Variants in TTC7B observed in about 807,000 individuals in gnomAD.
TTC7B encodes the protein tetratricopeptide repeat protein 7B.
Under a neutral mutation model 106.8 loss-of-function variants are expected in TTC7B, and 28 were observed. The observed-to-expected ratio is 0.26, with a 90% CI of 0.19 to 0.36. TTC7B has a LOEUF of 0.36. Among genes scored for constraint, TTC7B ranks in the 10% least tolerant of loss-of-function variants. The pLI is 1.00. For synonymous variants in TTC7B, 405 were observed against 430.6 expected, an observed-to-expected ratio of 0.94 and a Z score of 0.74; for missense variants, 862 against 1,076.4, an observed-to-expected ratio of 0.80 and a Z score of 2.79.
chr14:90,745,297 C>CAAAAAAAA (rs71461925), intron 3 of TTC7B, among the ~76,000 whole-genome samples: 1 of 108,758 alleles, frequency 9.2e-6, no homozygotes, highest in Non-Finnish European at 2.0e-5. Context: ...CCCTGTCTCC[C>CAAAAAAAA]AAAAAAAAAA....
intron 2 of TTC7B, among the ~76,000 whole-genome samples, chr14:90,782,799 G>T (rs892067695): frequency 6.6e-6 from 1 of 152,182 alleles, no homozygotes; most frequent in Admixed American, 6.5e-5. Context: ...CATCACAAGA[G>T]GTTCGCTCTG....
chr14:90,784,580 G>A (rs1024317110), intron 2 of TTC7B, among the ~76,000 whole-genome samples: 10 of 151,928 alleles, frequency 6.6e-5, no homozygotes, highest in Admixed American at 5.2e-4. Flanking sequence ...CATATGAGAT[G>A]GATGAGATGG....
intron 8 of TTC7B, among the ~76,000 whole-genome samples, chr14:90,678,634 C>T (rs1433070100): frequency 6.6e-6 from 1 of 152,166 alleles, no homozygotes; most frequent in Non-Finnish European, 1.5e-5. Flanking sequence ...TCAACATCCC[C>T]TGAAGAGATT....
chr14:90,757,398 C>T lies in TTC7B; in HGVS notation c.446-12476G>A, dbSNP rs1238508497. ...GTTTGGGGCTGCAGGGAGCTATGAT[C>T]GCACTACTGCACTCCAGCCTGGGTG... On this transcript the variant is annotated intron_variant, in intron 3 of 19. Transcript: ENST00000328459. The surrounding 1 kb of genome is among the most constrained non-coding windows in gnomAD (Gnocchi z 4.1). 6.6e-6 allele frequency among the ~76,000 whole-genome samples: 1 copy of T among 152,024 alleles called. No individual in the cohort carries two copies. Among genetic ancestry groups the T allele is most frequent in the East Asian group, 1.9e-4 (1 of 5,194 alleles).
chr14:90,686,867 A>C (rs1459771968), intron 7 of TTC7B, among the ~76,000 whole-genome samples: 1 of 152,266 alleles, frequency 6.6e-6, no homozygotes, highest in Non-Finnish European at 1.5e-5. Flanking sequence ...GAAATTAAAG[A>C]CAACCTAAAT....
intron 15 of TTC7B, among the ~76,000 whole-genome samples, chr14:90,636,727 C>T (rs1276358582): frequency 1.3e-5 from 2 of 151,666 alleles, no homozygotes; most frequent in African/African-American, 2.4e-5. Flanking sequence ...AAGCTCATAA[C>T]AAAAGATAAG....
intron 2 of TTC7B, 82 bp from the exon 3 acceptor site, chr14:90,780,988 C>T (rs944592701): frequency 7.9e-6 from 10 of 1,258,288 alleles, no homozygotes; most frequent in East Asian, 2.3e-5. Context: ...CAGCTGCTGC[C>T]GTAAAACCCC....
chr14:90,604,702 T>C (rs1566793724), intron 17 of TTC7B, among the ~76,000 whole-genome samples: 1 of 152,150 alleles, frequency 6.6e-6, no homozygotes, highest in Non-Finnish European at 1.5e-5. Flanking sequence ...ATTAAATAAA[T>C]GAGCAAAAGA....
At chr14:90,787,686 T>C (rs1891438860) in intron 1 of TTC7B, among the ~76,000 whole-genome samples, 1 of 152,214 alleles carries the variant, frequency 6.6e-6, no homozygotes. Context: ...CTTTTCCACA[T>C]GTTCTGAGAA....
At chr14:90,593,970 C>T (rs970159065) in intron 17 of TTC7B, 1 of 173,212 alleles carries the variant, frequency 5.8e-6, no homozygotes. Context: ...TTACAAAGCG[C>T]CCCTGTAAGG....
At chr14:90,638,182 G>A (rs1885026159) in intron 15 of TTC7B, among the ~76,000 whole-genome samples, 1 of 152,038 alleles carries the variant, frequency 6.6e-6, no homozygotes, top group Non-Finnish European at 1.5e-5. Flanking sequence ...ACTGCACCCA[G>A]CTAAATGTAA....
intron 1 of TTC7B, among the ~76,000 whole-genome samples, chr14:90,788,337 T>C (rs1209209759): frequency 1.3e-5 from 2 of 152,022 alleles, no homozygotes; most frequent in South Asian, 2.1e-4. Context: ...CACAAGCCCT[T>C]CTCAAGAAAT....
chr14:90,767,046 G>A (rs10151979), intron 3 of TTC7B: 86,204 of 684,554 alleles, frequency 0.13, 10,891 homozygotes, highest in African/African-American at 0.59. Flanking sequence ...AAAAAAAAAA[G>A]AAAGAAAGGA....
chr14:90,766,509 T>G, intron 3 of TTC7B: 1 of 712,680 alleles, frequency 1.4e-6, no homozygotes, highest in Non-Finnish European at 2.6e-6. Context: ...GAGGCCTACG[T>G]GCCACCTCTT....
rs764262529 is a variant in TTC7B, at chr14:90,630,436, CAT to C, written c.1752-12393_1752-12392del. Among the ~76,000 whole-genome samples, 56 of 152,330 alleles carry C rather than the reference CAT, an allele frequency of 3.7e-4. No homozygotes were observed. In the Middle Eastern group the frequency reaches 0.01, roughly 28 times the overall value. On this transcript the variant is annotated intron_variant, in intron 15 of 19. Transcript: ENST00000328459. ...TGCTGGAAACCCTCCTGCAGCCACA[CAT>C]GTTAACAAAGGGAGCTCAGAAAGTT...
At position 90,810,812 on chromosome 14, in the gene TTC7B, T is replaced by C. The variant is rs1420912888; in HGVS notation, c.121+5363A>G. Among the ~76,000 whole-genome samples the C allele has an allele frequency of 5.3e-5, 8 of 152,208 alleles. No homozygotes were observed. The South Asian group carries it at 1.0e-3, about 20-fold the overall frequency. On this transcript the variant is annotated intron_variant, in intron 1 of 19. Transcript: ENST00000328459. ...TGATGAAAGGACAGCTGGGAGAAAC[T>C]TGAACCAGACCTTGACAGATGGGTA... is the stretch of plus-strand genomic sequence containing the variant.
intron 3 of TTC7B, among the ~76,000 whole-genome samples, chr14:90,777,972 GA>G (rs1170712127): frequency 2.0e-5 from 3 of 152,346 alleles, no homozygotes; most frequent in Middle Eastern, 6.8e-3. Context: ...GATGGGCGGG[GA>G]AACAGGGGCA....
rs185949406 is a variant in TTC7B, at chr14:90,707,894, C to T, written c.699-12316G>A. 1.8e-3 allele frequency among the ~76,000 whole-genome samples: 277 copies of T among 152,090 alleles called. 3 individuals carry two copies. Among genetic ancestry groups the T allele is most frequent in the Middle Eastern group, 0.014 (4 of 292 alleles). ...AGGTGTGGTGGCTCACGCCTGTAATCCCAGCACTTTGGGAGGCCGAGGCGG... is the reference window on the plus strand; with the variant it reads ...AGGTGTGGTGGCTCACGCCTGTAATTCCAGCACTTTGGGAGGCCGAGGCGG... On this transcript the variant is annotated intron_variant, in intron 5 of 19. Transcript: ENST00000328459.
At chr14:90,615,161 G>A (rs940005427) in intron 16 of TTC7B, among the ~76,000 whole-genome samples, 1 of 152,238 alleles carries the variant, frequency 6.6e-6, no homozygotes, top group Non-Finnish European at 1.5e-5. Flanking sequence ...GCTCAGTTTA[G>A]TGACTAGCTC....
Sources: allele counts gnomAD v4.1 joint callset (sites outside exome capture counted in the v4.1 genomes callset), GRCh38; gene constraint gnomAD v4.1.1; non-coding constraint Gnocchi (gnomAD v3.1); transcripts MANE v1.5; gene names NCBI Gene and HGNC (gene_info 2026-07-23, HGNC 2026-07-21).